UBLCP1: variants seen among roughly 807,000 people sequenced by gnomAD.
UBLCP1 encodes the protein ubiquitin-like domain-containing CTD phosphatase 1.
UBLCP1 carries 28 observed loss-of-function variants against 42.4 expected under a neutral mutation model. That is an observed-to-expected ratio of 0.66 (90% confidence interval 0.49 to 0.90). The LOEUF is 0.90. UBLCP1 is among the 40% of genes least tolerant of loss of function. The pLI, the probability that UBLCP1 is intolerant of heterozygous loss-of-function variation, is 0.00. For missense variants in UBLCP1, 279 were observed against 374.5 expected (o/e 0.75, Z 2.10); for synonymous variants, 122 against 120.8 (o/e 1.01, Z -0.07).
intron 8 of UBLCP1, among the ~76,000 whole-genome samples, chr5:159,275,656 C>T (rs975862346): frequency 3.3e-5 from 5 of 152,110 alleles, no homozygotes; most frequent in Admixed American, 2.0e-4. Flanking sequence ...TCGTGATCCG[C>T]CTGCCTCGGC....
intron 6 of UBLCP1, among the ~76,000 whole-genome samples, chr5:159,273,834 T>TCACA (rs34999232): frequency 0.23 from 34,780 of 148,474 alleles, 4,230 homozygotes; most frequent in South Asian, 0.32. Flanking sequence ...CTTTTAAAAA[T>TCACA]CACACACACA....
intron 10 of UBLCP1, 48 bp downstream of exon 10, chr5:159,283,387 A>C: frequency 6.8e-7 from 1 of 1,472,262 alleles, no homozygotes; most frequent in Non-Finnish European, 9.2e-7. Flanking sequence ...AATGAAGAAA[A>C]AATTATCATT....
chr5:159,267,062 AG>A (rs1178272164), intron 1 of UBLCP1, among the ~76,000 whole-genome samples: 2 of 152,122 alleles, frequency 1.3e-5, no homozygotes, highest in African/African-American at 2.4e-5. Context: ...CTGAGAGAAG[AG>A]GGCCACCACC....
chr5:159,267,110 G>T (rs1346400345), intron 1 of UBLCP1, among the ~76,000 whole-genome samples: 1 of 152,172 alleles, frequency 6.6e-6, no homozygotes, highest in Admixed American at 6.5e-5. Flanking sequence ...ACAACAGCTT[G>T]TACTGTGTGC....
chr5:159,270,165 C>T (rs1002460746), intron 3 of UBLCP1, among the ~76,000 whole-genome samples, 166 bp downstream of exon 3: 19 of 152,042 alleles, frequency 1.2e-4, no homozygotes, highest in Non-Finnish European at 1.8e-4. Flanking sequence ...ATAGTAGTAG[C>T]ACAAATGATC....
At chr5:159,276,165 G>C (rs1055326388) in intron 8 of UBLCP1, among the ~76,000 whole-genome samples, 1 of 152,156 alleles carries the variant, frequency 6.6e-6, no homozygotes, top group African/African-American at 2.4e-5. Context: ...ATGCATGCCT[G>C]TAATCCCAGC....
chr5:159,270,387 AATG>A lies in UBLCP1; in HGVS notation c.281_283del (p.Asp94del). The A allele has an allele frequency of 1.9e-6, 3 of 1,613,476 alleles. No individual in the cohort carries two copies. Among genetic ancestry groups the A allele is most frequent in the Non-Finnish European group, 2.5e-6 (3 of 1,179,694 alleles). ...AGATGTCTTAGGTCCACCCCCTGAC[AATG>A]ATGATGTTGTTAATGACTTTGATAT... On this transcript the variant is annotated inframe_deletion, in exon 4 of 11. Coordinates refer to ENST00000296786, the MANE Select transcript of UBLCP1 (RefSeq NM_145049.5).
chr5:159,281,207 T>G (rs1753601902), intron 9 of UBLCP1, among the ~76,000 whole-genome samples: 1 of 152,198 alleles, frequency 6.6e-6, no homozygotes, highest in Non-Finnish European at 1.5e-5. Context: ...TTGAAAATCT[T>G]ATTTACTACC....
intron 5 of UBLCP1, among the ~76,000 whole-genome samples, chr5:159,270,994 T>C (rs1279002330): frequency 6.6e-6 from 1 of 151,820 alleles, no homozygotes; most frequent in Non-Finnish European, 1.5e-5. Context: ...GTATATATAT[T>C]TTTTTATTTT....
rs1361911404 is a variant in UBLCP1, at chr5:159,275,147, G to A, written c.586-1G>A. The A allele has an allele frequency of 6.2e-7, 1 of 1,612,054 alleles. No individual in the cohort carries two copies. The highest frequency in any genetic ancestry group is 8.5e-7 in the Non-Finnish European group (1 of 1,178,962). ...AACCTCACAAATATTTGTGTTTATA[G>A]GAGCTGGGAGTGAGCACAAATGCAA... On this transcript the variant is annotated splice_acceptor_variant, in intron 7 of 10. Transcript: ENST00000296786. LOFTEE classifies it high-confidence loss of function.
rs1200150898 is a variant in UBLCP1 at position 159,283,300 on chromosome 5, T to C, written c.890T>C (p.Leu297Ser). The change falls in exon 10 of 11, where the codon TTA (leucine) becomes TCA (serine). Residue 297 changes from leucine to serine, a missense_variant. Coordinates refer to ENST00000296786, the MANE Select transcript of UBLCP1 (RefSeq NM_145049.5). ...LTQYLKEIAKLDDFLDLNHKY... is the reference protein window; with the variant it reads ...LTQYLKEIAKSDDFLDLNHKY... The stretch of plus-strand genomic sequence containing the variant: ...CAGTACCTCAAGGAGATAGCAAAAT[T>C]AGATGACTTTTTGGATCTAAATCAC... 1.2e-6 allele frequency: 2 copies of C among 1,601,370 alleles called. No individual in the cohort carries two copies. Among genetic ancestry groups the C allele is most frequent in the Non-Finnish European group, 1.7e-6 (2 of 1,175,628 alleles).
At chr5:159,274,730 A>C in intron 7 of UBLCP1, 108 bp downstream of exon 7, 1 of 923,306 alleles carries the variant, frequency 1.1e-6, no homozygotes, top group Non-Finnish European at 1.7e-6. Flanking sequence ...CACTTAGTAG[A>C]TAGATAAATG....
intron 9 of UBLCP1, among the ~76,000 whole-genome samples, chr5:159,280,263 A>C (rs1753592446): frequency 6.6e-6 from 1 of 152,178 alleles, no homozygotes; most frequent in Non-Finnish European, 1.5e-5. Flanking sequence ...TTAAAGATTA[A>C]AGGTTAAGAT....
chr5:159,271,023 T>TAG (rs1369173478), intron 5 of UBLCP1, among the ~76,000 whole-genome samples: 1 of 151,996 alleles, frequency 6.6e-6, no homozygotes, highest in Non-Finnish European at 1.5e-5. Flanking sequence ...GAAAGTATTC[T>TAG]AGTTTATGGA....
chr5:159,275,186 T>C lies in UBLCP1; in HGVS notation c.624T>C (p.Thr208=). The C allele has an allele frequency of 1.9e-6, 3 of 1,613,400 alleles. No individual in the cohort carries two copies. Among genetic ancestry groups the C allele is most frequent in the Non-Finnish European group, 1.7e-6 (2 of 1,179,836 alleles). The change falls in exon 8 of 11, where the codon ACT becomes ACC. Residue 208 remains threonine (T), a synonymous_variant. Coordinates refer to ENST00000296786, the MANE Select transcript of UBLCP1 (RefSeq NM_145049.5). ...GVSTNANYKI[T]FMLDSAAMIT... Reference sequence around the variant, plus strand: ...GCACAAATGCAAATTATAAGATTACTTTCATGTTGGATAGTGCTGCTATGA... The same window carrying C: ...GCACAAATGCAAATTATAAGATTACCTTCATGTTGGATAGTGCTGCTATGA...
Position 159,270,567 on chromosome 5 carries a change from G to A in UBLCP1, c.372G>A (p.Glu124=), listed in dbSNP as rs768278667. ...TGAAAATTTCTCGCAGAGTGAAAGA[G>A]TACAAAGTGGAAATTTTGAATCCTC... The part of the protein sequence containing the change: ...NLLKISRRVK[E]YKVEILNPPR... Residue 124 remains glutamate, a synonymous_variant, in exon 5 of 11, where the codon GAG becomes GAA. Transcript: ENST00000296786. 4 of 1,611,584 alleles carry A rather than the reference G, an allele frequency of 2.5e-6. No homozygotes were observed. The highest frequency in any genetic ancestry group is 1.3e-5 in the African/African-American group (1 of 74,794).
At chr5:159,265,864 A>G (rs983045625) in intron 1 of UBLCP1, among the ~76,000 whole-genome samples, 8 of 151,754 alleles carry the variant, frequency 5.3e-5, no homozygotes, top group African/African-American at 1.9e-4. Context: ...TTGTATTTTT[A>G]GTAGAGATGG....
At chr5:159,263,469 G>C (rs1404971749) in intron 1 of UBLCP1, 109 bp downstream of exon 1, 2 of 152,286 alleles carry the variant, frequency 1.3e-5, no homozygotes, top group Non-Finnish European at 2.9e-5. Flanking sequence ...GGCGGGCTGG[G>C]GATAGTGTCT....
At chr5:159,278,385 A>C in intron 9 of UBLCP1, 31 bp downstream of exon 9, 37 of 1,439,994 alleles carry the variant, frequency 2.6e-5, no homozygotes, top group Non-Finnish European at 3.2e-5. Context: ...TTATGTGCTC[A>C]TGTAATCTGG....
Sources: gnomAD v4.1 joint callset for allele counts (sites outside exome capture counted in the v4.1 genomes callset) on GRCh38, gnomAD v4.1.1 for gene constraint, MANE v1.5 for transcripts, NCBI Gene and HGNC (gene_info 2026-07-23, HGNC 2026-07-21) for gene names.